The following KIF1C variants were observed in gnomAD, a reference collection of about 807,000 sequenced individuals.
The protein encoded by KIF1C is kinesin family member 1C, also known as kinesin-like protein KIF1C.
Under a neutral mutation model 126.5 loss-of-function variants are expected in KIF1C, and 61 were observed. The ratio of observed to expected loss-of-function variants is 0.48; its 90% CI spans 0.39 to 0.60. KIF1C has a LOEUF of 0.60. Ranked by LOEUF, KIF1C falls within the 20% of genes least tolerant of loss-of-function variation. KIF1C has a pLI of 0.00. For synonymous variants in KIF1C, 640 were observed against 580.6 expected, an observed-to-expected ratio of 1.10 and a Z score of -1.47; for missense variants, 1,315 against 1,489.2, an observed-to-expected ratio of 0.88 and a Z score of 1.93.
chr17:5,021,025 T>G (rs1201142721), intron 21 of KIF1C, 147 bp downstream of exon 21: 12 of 672,120 alleles, frequency 1.8e-5, no homozygotes, highest in Non-Finnish European at 2.6e-6. Context: ...AGGAGAGAGA[T>G]GTGACTACAG....
At chr17:5,016,121 G>A (rs1597857992) in intron 18 of KIF1C, among the ~76,000 whole-genome samples, 1 of 150,888 alleles carries the variant, frequency 6.6e-6, no homozygotes, top group Non-Finnish European at 1.5e-5. Flanking sequence ...CAAGGGACCT[G>A]GGGTGTGTAT....
chr17:5,002,043 C>T lies in KIF1C; in HGVS notation c.364-16C>T. The T allele has an allele frequency of 1.2e-6, 2 of 1,613,098 alleles. No homozygotes were observed. Among genetic ancestry groups the T allele is most frequent in the South Asian group, 1.1e-5 (1 of 91,058 alleles). ...TGAACAGGAGCTTCTCTGTATTTCC[C>T]TGTGTCCCCCTCCAGCTCTGTGAGG... On this transcript the variant is annotated splice_polypyrimidine_tract_variant and intron_variant, in intron 5 of 22. Coordinates refer to ENST00000320785, the MANE Select transcript of KIF1C (RefSeq NM_006612.6).
rs372954508 is a variant in KIF1C at position 5,022,746 on chromosome 17, C to T, written c.2628+37C>T. 120 of 1,480,856 alleles carry T rather than the reference C, an allele frequency of 8.1e-5. No individual in the cohort carries two copies. The highest frequency in any genetic ancestry group is 6.1e-4 in the Admixed American group (25 of 40,724). The allele number at this position is 1,480,856 out of a possible 1,614,324, so 91.7% of individuals were successfully genotyped here. A position where few individuals can be genotyped will look rare whatever the true frequency, so the allele number is the denominator to read the frequency against. On this transcript the variant is annotated intron_variant, in intron 22 of 22. Transcript: ENST00000320785. The surrounding 1 kb of genome is among the most constrained non-coding windows in gnomAD (Gnocchi z 4.9). ...CTTCTGCCTCCCTTCTCTCCTCCCTCGGCTCTTCACTTTAGGAGTCTGAAC... is the reference window on the plus strand; with the variant it reads ...CTTCTGCCTCCCTTCTCTCCTCCCTTGGCTCTTCACTTTAGGAGTCTGAAC...
At position 5,022,113 on chromosome 17, in the gene KIF1C, G is replaced by A. The variant is rs551884040; in HGVS notation, c.2032G>A (p.Asp678Asn). 6.2e-7 allele frequency: 1 copy of A among 1,607,736 alleles called. No homozygotes were observed. The highest frequency in any genetic ancestry group is 1.1e-5 in the South Asian group (1 of 90,828). ...CCAGTATGCAGACTCGGACAGCGGG[G>A]ATGACTCTGACAAGCGCTCTTGTGA... ...QRLYADSDSG[D>N]DSDKRSCEES... The change falls in exon 22 of 23, where the codon GAT becomes AAT. Residue 678 changes from aspartate (D) to asparagine (N), a missense_variant. Asp to Asn is a conservative substitution (Grantham distance 23). Coordinates refer to ENST00000320785, the MANE Select transcript of KIF1C (RefSeq NM_006612.6). This position sits in a 1 kb window ranked among gnomAD's most constrained non-coding sequence, Gnocchi z 4.9.
Position 5,022,883 on chromosome 17 carries a change from TAATTAAAATAGA to T in KIF1C, c.2628+175_2628+186del, listed in dbSNP as rs1228981815. Among the ~76,000 whole-genome samples the T allele has an allele frequency of 6.6e-6, 1 of 152,284 alleles. No individual in the cohort carries two copies. The highest frequency in any genetic ancestry group is 1.5e-5 in the Non-Finnish European group (1 of 68,052). The stretch of plus-strand genomic sequence containing the variant: ...ACATGCCTCGCTGTCACCAGGCTGC[TAATTAAAATAGA>T]TTCCCGGGTTCCACCCCAGACCTAC... On this transcript the variant is annotated intron_variant, in intron 22 of 22. Coordinates refer to ENST00000320785, the MANE Select transcript of KIF1C (RefSeq NM_006612.6). This position sits in a 1 kb window ranked among gnomAD's most constrained non-coding sequence, Gnocchi z 4.9.
Position 5,022,720 on chromosome 17 carries a change from C to A in KIF1C, c.2628+11C>A. Reference sequence around the variant, plus strand: ...ATCCCCCTGGCCCAGGTAGGACTGGCCTTCTGCCTCCCTTCTCTCCTCCCT... The same window carrying A: ...ATCCCCCTGGCCCAGGTAGGACTGGACTTCTGCCTCCCTTCTCTCCTCCCT... On this transcript the variant is annotated intron_variant, in intron 22 of 22. Coordinates refer to ENST00000320785, the MANE Select transcript of KIF1C (RefSeq NM_006612.6). This position sits in a 1 kb window ranked among gnomAD's most constrained non-coding sequence, Gnocchi z 4.9. 2 of 1,508,888 alleles carry A rather than the reference C, an allele frequency of 1.3e-6. No homozygotes were observed. The highest frequency in any genetic ancestry group is 2.2e-5 in the Admixed American group (1 of 45,152). The allele number at this position is 1,508,888 out of a possible 1,614,324, so 93.5% of individuals were successfully genotyped here. A position where few individuals can be genotyped will look rare whatever the true frequency, so the allele number is the denominator to read the frequency against.
chr17:5,023,007 T>C lies in KIF1C; in HGVS notation c.2628+298T>C, dbSNP rs141808417. On this transcript the variant is annotated intron_variant, in intron 22 of 22. Transcript: ENST00000320785. The surrounding 1 kb of genome is among the most constrained non-coding windows in gnomAD (Gnocchi z 4.2). ...CAGTGAAGTCTAAGACCCACTGATATAAAGTTTGCAGTTTTGTTTTGTTTC... is the reference window on the plus strand; with the variant it reads ...CAGTGAAGTCTAAGACCCACTGATACAAAGTTTGCAGTTTTGTTTTGTTTC... Among the ~76,000 whole-genome samples the C allele has an allele frequency of 9.1e-4, 138 of 152,298 alleles. No individual in the cohort carries two copies. Among genetic ancestry groups the C allele is most frequent in the African/African-American group, 3.1e-3 (128 of 41,568 alleles).
At chr17:5,004,722 C>T in intron 12 of KIF1C, 77 bp downstream of exon 12, 5 of 1,583,666 alleles carry the variant, frequency 3.2e-6, no homozygotes, top group Non-Finnish European at 4.3e-6. Flanking sequence ...TGCTCAGGAC[C>T]CTGCTCGTGA....
chr17:5,001,438 G>C (rs369989822), intron 5 of KIF1C, 37 bp downstream of exon 5: 1 of 1,588,696 alleles, frequency 6.3e-7, no homozygotes, highest in Non-Finnish European at 8.6e-7. Context: ...CAGGGCAGGA[G>C]CATCTTTAGC....
intron 2 of KIF1C, 44 bp from the exon 3 acceptor site, chr17:5,000,176 C>G: frequency 2.7e-6 from 3 of 1,098,200 alleles, no homozygotes; most frequent in South Asian, 1.4e-5. Flanking sequence ...TGTCTGGGTC[C>G]CTGCAGTGGT....
chr17:5,022,852 C>T lies in KIF1C; in HGVS notation c.2628+143C>T, dbSNP rs1183442787. 16 of 1,201,264 alleles carry T rather than the reference C, an allele frequency of 1.3e-5. No individual in the cohort carries two copies. The highest frequency in any genetic ancestry group is 1.1e-4 in the Admixed American group (3 of 28,424). The allele number at this position is 1,201,264 out of a possible 1,614,324, so 74.4% of individuals were successfully genotyped here. A position where few individuals can be genotyped will look rare whatever the true frequency, so the allele number is the denominator to read the frequency against. On this transcript the variant is annotated intron_variant, in intron 22 of 22. Transcript: ENST00000320785. This position sits in a 1 kb window ranked among gnomAD's most constrained non-coding sequence, Gnocchi z 4.9. ...AGTACGTTTTTTTCAATATTGTTTA[C>T]GAACCACATGCCTCGCTGTCACCAG...
At chr17:5,000,704 G>A in intron 3 of KIF1C, 68 bp from the exon 4 acceptor site, 1 of 1,390,478 alleles carries the variant, frequency 7.2e-7, no homozygotes. Context: ...GGGGCTGGTT[G>A]GGGTATGGGC....
intron 21 of KIF1C, among the ~76,000 whole-genome samples, chr17:5,021,567 A>T (rs1204600751): frequency 6.6e-6 from 1 of 151,250 alleles, no homozygotes; most frequent in Non-Finnish European, 1.5e-5. Flanking sequence ...GCAGCCTCGA[A>T]CTCCTTGGGT....
At chr17:5,017,402 C>G (rs954315349) in intron 18 of KIF1C, among the ~76,000 whole-genome samples, 2 of 151,400 alleles carry the variant, frequency 1.3e-5, no homozygotes, top group Non-Finnish European at 2.9e-5. Flanking sequence ...CGGGTTCACG[C>G]CATTCTCCTG....
intron 6 of KIF1C, 37 bp from the exon 7 acceptor site, chr17:5,002,427 C>T: frequency 6.5e-7 from 1 of 1,544,574 alleles, no homozygotes; most frequent in Non-Finnish European, 8.8e-7. Context: ...ATTGTTTTTG[C>T]TAGTTTTGTT....
At chr17:5,006,839 C>T in intron 13 of KIF1C, 76 bp from the exon 14 acceptor site, 7 of 1,467,902 alleles carry the variant, frequency 4.8e-6, no homozygotes, top group Non-Finnish European at 6.6e-6. Context: ...CTCTGTGAAG[C>T]TCTTGGTCTC....
At position 5,003,915 on chromosome 17, in the gene KIF1C, T is replaced by C; in HGVS notation, c.863T>C (p.Met288Thr). The C allele has an allele frequency of 6.2e-7, 1 of 1,613,646 alleles. No individual in the cohort carries two copies. Among genetic ancestry groups the C allele is most frequent in the Non-Finnish European group, 8.5e-7 (1 of 1,179,622 alleles). The change falls in exon 10 of 23, where the codon ATG becomes ACG. Residue 288 changes from methionine to threonine, a missense_variant and splice_region_variant. Physicochemically the swap from Met to Thr is moderately conservative, Grantham distance 81. Around this residue, in one of 2 missense-constraint regions of KIF1C, gnomAD observed 874 missense variants for 1,053.2 expected, o/e 0.83. Coordinates refer to ENST00000320785, the MANE Select transcript of KIF1C (RefSeq NM_006612.6). Reference sequence around the variant, plus strand: ...AAAGTGATCTCGGCCCTTGCAGATATGGTGAGACCTGGGTGTTGGAAAGAA... The same window carrying C: ...AAAGTGATCTCGGCCCTTGCAGATACGGTGAGACCTGGGTGTTGGAAAGAA... ...LGKVISALAD[M>T]QSKKRKSDFI...
chr17:5,013,799 A>G (rs1974916548), intron 17 of KIF1C, 67 bp downstream of exon 17: 2 of 1,250,728 alleles, frequency 1.6e-6, no homozygotes. Flanking sequence ...AGGGTTGTCC[A>G]CATTGGTGTC....
In KIF1C at chr17:5,023,658, G is replaced by T; in HGVS notation, c.2819G>T (p.Arg940Leu). The T allele has an allele frequency of 6.2e-7, 1 of 1,611,116 alleles. No homozygotes were observed. The highest frequency in any genetic ancestry group is 8.5e-7 in the Non-Finnish European group (1 of 1,178,454). Reference protein sequence around the residue: ...EDPAFRRGRLRWLKQEQLRLQ... With the variant: ...EDPAFRRGRLLWLKQEQLRLQ... ...CCTGCCTTCCGTCGTGGTCGTCTTC[G>T]CTGGCTCAAGCAGGAGCAGCTACGG... The change falls in exon 23 of 23, where the codon CGC becomes CTC. Residue 940 changes from arginine (R) to leucine (L), a missense_variant. This residue lies in a region of KIF1C where 441 missense variants were observed against 436.1 expected (regional missense o/e 1.01). Coordinates refer to ENST00000320785, the MANE Select transcript of KIF1C (RefSeq NM_006612.6). This position sits in a 1 kb window ranked among gnomAD's most constrained non-coding sequence, Gnocchi z 4.2.
Sources: gnomAD v4.1 joint callset for allele counts (sites outside exome capture counted in the v4.1 genomes callset) on GRCh38, gnomAD v4.1.1 for gene constraint, gnomAD v4.1.1 regional missense constraint, Gnocchi (gnomAD v3.1) non-coding constraint, MANE v1.5 for transcripts, NCBI Gene and HGNC (gene_info 2026-07-23, HGNC 2026-07-21) for gene names.